CEP192: variants seen among roughly 807,000 people sequenced by gnomAD.
CEP192 encodes centrosomal protein of 192 kDa.
Under a neutral mutation model 271.8 loss-of-function variants are expected in CEP192, and 151 were observed. The ratio of observed to expected loss-of-function variants is 0.56; its 90% CI spans 0.49 to 0.64. CEP192 has a LOEUF of 0.64. Ranked by LOEUF, CEP192 falls within the 30% of genes least tolerant of loss-of-function variation. The pLI is 0.00. For missense variants in CEP192, 2,910 were observed against 3,020.5 expected (o/e 0.96, Z 0.86); for synonymous variants, 995 against 1,076.5 (o/e 0.92, Z 1.48).
rs188184512 is a variant in CEP192 at position 13,064,334 on chromosome 18, C to T, written c.4489-3497C>T. 2.3e-3 allele frequency among the ~76,000 whole-genome samples: 350 copies of T among 150,170 alleles called. 1 individual carries two copies. The highest frequency in any genetic ancestry group is 8.2e-3 in the African/African-American group (336 of 40,824). On this transcript the variant is annotated intron_variant, in intron 21 of 44. Transcript: ENST00000506447. ...TGTCAAAAATGAGTTCACTGTAGGC[C>T]GGGCACGGTGGCTCATGCCTGTAAT...
In CEP192 at chr18:13,042,320, A is replaced by G. The variant is rs1410940891; in HGVS notation, c.2053A>G (p.Lys685Glu). Reference protein sequence around the residue: ...DENDVTLTADKGKTEDTFFMS... With the variant: ...DENDVTLTADEGKTEDTFFMS... The stretch of plus-strand genomic sequence containing the variant: ...AAATGATGTGACGTTAACGGCTGAT[A>G]AAGGCAAAACAGAGGTAGCTTCAGC... Residue 685 changes from lysine (K) to glutamate (E), a missense_variant, in exon 15 of 45, where the codon AAA becomes GAA. Coordinates refer to ENST00000506447, the MANE Select transcript of CEP192 (RefSeq NM_032142.4). The G allele has an allele frequency of 1.2e-6, 2 of 1,614,014 alleles. No homozygotes were observed. The highest frequency in any genetic ancestry group is 1.7e-6 in the Non-Finnish European group (2 of 1,179,940).
chr18:13,001,355 AC>A, intron 2 of CEP192, 101 bp from the exon 3 acceptor site: 1 of 727,398 alleles, frequency 1.4e-6, no homozygotes, highest in Non-Finnish European at 2.2e-6. Context: ...ATTTGTTTTT[AC>A]CCCGGTGGTT....
intron 21 of CEP192, among the ~76,000 whole-genome samples, chr18:13,061,734 G>A (rs868173432): frequency 7.2e-5 from 11 of 152,256 alleles, no homozygotes; most frequent in Middle Eastern, 3.4e-3. Flanking sequence ...CTGCCATTTT[G>A]GGCTAGAAGA....
At chr18:13,010,372 T>C (rs1376181215) in intron 4 of CEP192, among the ~76,000 whole-genome samples, 2 of 152,158 alleles carry the variant, frequency 1.3e-5, no homozygotes, top group Admixed American at 6.5e-5. Context: ...GATTGATGAA[T>C]GAGTACACAT....
Position 13,100,251 on chromosome 18 carries a change from C to T in CEP192, c.6664-54C>T, listed in dbSNP as rs560114402. On this transcript the variant is annotated intron_variant, in intron 37 of 44. Coordinates refer to ENST00000506447, the MANE Select transcript of CEP192 (RefSeq NM_032142.4). ...CCATGGTTTAAAAATGGAATTGTTT[C>T]GTTTAAAGTGATAGATACGTTTGTA... The T allele has an allele frequency of 3.3e-3, 4,043 of 1,220,600 alleles. 15 individuals are homozygous for T. The highest frequency in any genetic ancestry group is 7.5e-3 in the South Asian group (593 of 79,554). The allele number at this position is 1,220,600 out of a possible 1,614,324, so 75.6% of individuals were successfully genotyped here.
At chr18:13,059,854 G>A (rs758783686) in intron 21 of CEP192, among the ~76,000 whole-genome samples, 5 of 152,142 alleles carry the variant, frequency 3.3e-5, no homozygotes, top group Non-Finnish European at 5.9e-5. Flanking sequence ...AAATCAGAGC[G>A]AGGGAGGGTG....
intron 30 of CEP192, among the ~76,000 whole-genome samples, chr18:13,078,237 C>T (rs1289553145): frequency 6.6e-6 from 1 of 152,118 alleles, no homozygotes; most frequent in Admixed American, 6.5e-5. Context: ...CTAGCTTCAT[C>T]CATGTCCCTG....
chr18:13,032,455 T>TA (rs2035685505), intron 11 of CEP192, among the ~76,000 whole-genome samples: 1 of 152,186 alleles, frequency 6.6e-6, no homozygotes, highest in African/African-American at 2.4e-5. Flanking sequence ...TGCTCAATGA[T>TA]ATCTTGATCT....
intron 4 of CEP192, among the ~76,000 whole-genome samples, chr18:13,009,515 A>G (rs1365284776): frequency 6.6e-6 from 1 of 152,226 alleles, no homozygotes; most frequent in African/African-American, 2.4e-5. Flanking sequence ...TGCATTGGAA[A>G]TACTCAAGGA....
At chr18:13,051,181 A>T (rs755226901) in intron 17 of CEP192, among the ~76,000 whole-genome samples, 24 of 152,340 alleles carry the variant, frequency 1.6e-4, no homozygotes, top group Middle Eastern at 6.8e-3. Flanking sequence ...TCTGTCATAC[A>T]GTATACCCTT....
At chr18:13,098,529 C>A (rs1210121509) in intron 36 of CEP192, among the ~76,000 whole-genome samples, 1 of 151,758 alleles carries the variant, frequency 6.6e-6, no homozygotes, top group African/African-American at 2.4e-5. Context: ...AGGCGCTCCT[C>A]ACATCCCAGA....
At chr18:13,056,728 T>C (rs1176511266) in intron 19 of CEP192, 30 bp downstream of exon 19, 1 of 1,498,536 alleles carries the variant, frequency 6.7e-7, no homozygotes, top group Admixed American at 2.2e-5. Context: ...TTATTATTAC[T>C]TGCTATTATT....
In CEP192 at chr18:13,097,869, G is replaced by A. The variant is rs139359471; in HGVS notation, c.6557+1562G>A. On this transcript the variant is annotated intron_variant, in intron 36 of 44. Transcript: ENST00000506447. ...CTCTTAACGAACATGCTGCCTTCAA[G>A]CATCTGTTTAGCAAAGCACATCTTG... is the stretch of plus-strand genomic sequence containing the variant. Among the ~76,000 whole-genome samples the A allele has an allele frequency of 1.3e-3, 198 of 152,148 alleles. 3 individuals are homozygous for A. The East Asian group carries it at 0.034, about 26-fold the overall frequency.
chr18:13,057,462 C>A, intron 19 of CEP192, 123 bp from the exon 20 acceptor site: 1 of 1,023,042 alleles, frequency 9.8e-7, no homozygotes, highest in Non-Finnish European at 1.4e-6. Flanking sequence ...TCATCTGGAG[C>A]ACTTTGACTC....
rs780111223 is a variant in CEP192 at position 13,055,791 on chromosome 18, C to T, written c.3201C>T (p.Thr1067=). The T allele has an allele frequency of 6.4e-7, 1 of 1,556,494 alleles. No individual in the cohort carries two copies. Among genetic ancestry groups the T allele is most frequent in the Non-Finnish European group, 8.7e-7 (1 of 1,154,510 alleles). ...DALEDRKSDI[T]SELSTTIIQG... is the part of the protein sequence containing the mutation. Reference sequence around the variant, plus strand: ...TTTGTTGCACTCAGAGTGATATCACCAGCGAGTTGAGTACCACAATTATTC... The same window carrying T: ...TTTGTTGCACTCAGAGTGATATCACTAGCGAGTTGAGTACCACAATTATTC... Residue 1067 remains threonine, a synonymous_variant, in exon 19 of 45, where the codon ACC becomes ACT. Coordinates refer to ENST00000506447, the MANE Select transcript of CEP192 (RefSeq NM_032142.4).
chr18:13,084,940 C>T (rs1225385474), intron 30 of CEP192, among the ~76,000 whole-genome samples: 1 of 151,672 alleles, frequency 6.6e-6, no homozygotes, highest in African/African-American at 2.4e-5. Context: ...CTGAGCCTCC[C>T]AAGTAGCTGA....
chr18:13,017,163 T>C, intron 6 of CEP192, 25 bp from the exon 7 acceptor site: 1 of 1,524,536 alleles, frequency 6.6e-7, no homozygotes. Context: ...AAGCATGTCC[T>C]GTTTTTTCTC....
chr18:13,079,845 T>A (rs1275346019), intron 30 of CEP192, among the ~76,000 whole-genome samples: 1 of 152,254 alleles, frequency 6.6e-6, no homozygotes, highest in African/African-American at 2.4e-5. Flanking sequence ...AGTTTCAGCT[T>A]TCTACATATG....
chr18:13,084,018 G>C (rs1437900980), intron 30 of CEP192, among the ~76,000 whole-genome samples: 1 of 152,128 alleles, frequency 6.6e-6, no homozygotes, highest in Non-Finnish European at 1.5e-5. Context: ...GCACCAGCCT[G>C]TATGAGGTGT....
Sources: gnomAD v4.1 joint callset for allele counts (sites outside exome capture counted in the v4.1 genomes callset) on GRCh38, gnomAD v4.1.1 for gene constraint, MANE v1.5 for transcripts, NCBI Gene and HGNC (gene_info 2026-07-23, HGNC 2026-07-21) for gene names.